Variants in BCKDHB observed in about 807,000 individuals in gnomAD.
BCKDHB encodes branched chain keto acid dehydrogenase E1 subunit beta.
In BCKDHB, 41 loss-of-function variants were observed where a neutral mutation model predicts 48.5. The observed-to-expected ratio is 0.85, with a 90% confidence interval of 0.66 to 1.10. BCKDHB has a LOEUF of 1.10. BCKDHB is among the 50% of genes least tolerant of loss of function. The pLI is 0.00. For synonymous variants in BCKDHB, 201 were observed against 174.8 expected, an observed-to-expected ratio of 1.15 and a Z score of -1.18; for missense variants, 496 against 494.2, an observed-to-expected ratio of 1.00 and a Z score of -0.03.
chr6:80,234,264 T>C (rs1241090059), intron 8 of BCKDHB, among the ~76,000 whole-genome samples: 1 of 152,230 alleles, frequency 6.6e-6, no homozygotes, highest in Non-Finnish European at 1.5e-5. Flanking sequence ...CACAGTCTCC[T>C]GCCTTATTAT....
At chr6:80,321,257 A>G (rs138936096) in intron 9 of BCKDHB, among the ~76,000 whole-genome samples, 14 of 152,318 alleles carry the variant, frequency 9.2e-5, no homozygotes, top group African/African-American at 3.4e-4. Context: ...AGCAGTACAC[A>G]TTTTCCATCC....
intron 8 of BCKDHB, among the ~76,000 whole-genome samples, chr6:80,230,388 A>G (rs1775876265): frequency 6.6e-6 from 1 of 152,136 alleles, no homozygotes; most frequent in African/African-American, 2.4e-5. Flanking sequence ...TAAAAAATAC[A>G]TGCCCCAAAT....
chr6:80,288,949 G>T (rs1478037998), intron 9 of BCKDHB, among the ~76,000 whole-genome samples: 4 of 152,078 alleles, frequency 2.6e-5, no homozygotes, highest in Non-Finnish European at 5.9e-5. Flanking sequence ...AGCATTAATG[G>T]TTAAGTGAGC....
At chr6:80,425,643 C>T in the BCKDHB span, among the ~76,000 whole-genome samples, 2 of 152,102 alleles carry the variant, frequency 1.3e-5, no homozygotes, top group Admixed American at 6.6e-5. Flanking sequence ...CAGCTGATGA[C>T]AATGAAACCT....
chr6:80,323,500 G>A (rs1454425423), intron 9 of BCKDHB, among the ~76,000 whole-genome samples: 1 of 152,134 alleles, frequency 6.6e-6, no homozygotes, highest in East Asian at 1.9e-4. Flanking sequence ...TCAGTGTTTA[G>A]TAAATGGGCT....
At chr6:80,292,188 A>G (rs1026758837) in intron 9 of BCKDHB, among the ~76,000 whole-genome samples, 1 of 152,200 alleles carries the variant, frequency 6.6e-6, no homozygotes, top group Non-Finnish European at 1.5e-5. Flanking sequence ...TATTGGCTCT[A>G]TAAGTTAAGT....
At chr6:80,203,359 G>C (rs893671472) in intron 8 of BCKDHB, 147 bp downstream of exon 8, 1 of 670,708 alleles carries the variant, frequency 1.5e-6, no homozygotes, top group African/African-American at 1.8e-5. Flanking sequence ...ATGAAAGAAA[G>C]TTGTATAAAC....
chr6:80,171,640 T>C (rs964362529), intron 6 of BCKDHB, among the ~76,000 whole-genome samples: 8 of 152,138 alleles, frequency 5.3e-5, no homozygotes, highest in African/African-American at 1.9e-4. Flanking sequence ...ATAAAGGGAC[T>C]ATGTTTAACC....
chr6:80,323,506 G>A (rs1768857121), intron 9 of BCKDHB, among the ~76,000 whole-genome samples: 1 of 152,078 alleles, frequency 6.6e-6, no homozygotes, highest in African/African-American at 2.4e-5. Context: ...TTTAGTAAAT[G>A]GGCTTACATT....
At chr6:80,433,420 ACCCAGTTCAAACTT>A in the BCKDHB span, among the ~76,000 whole-genome samples, 1 of 152,072 alleles carries the variant, frequency 6.6e-6, no homozygotes, top group Non-Finnish European at 1.5e-5. Flanking sequence ...CGTTGGCTCC[ACCCAGTTCAAACTT>A]CCCAAGGGGC....
intron 3 of BCKDHB, among the ~76,000 whole-genome samples, chr6:80,164,903 TCTC>T (rs1356781375): frequency 2.6e-5 from 4 of 152,202 alleles, no homozygotes; most frequent in African/African-American, 7.2e-5. Context: ...TTTGTGCTCT[TCTC>T]CTCAATCAGT....
the BCKDHB span, among the ~76,000 whole-genome samples, chr6:80,444,485 C>CA: frequency 6.6e-6 from 1 of 151,924 alleles, no homozygotes; most frequent in African/African-American, 2.4e-5. Flanking sequence ...ACACAGATGA[C>CA]AAAAAATAAA....
chr6:80,203,883 T>G (rs1165889904), intron 8 of BCKDHB, among the ~76,000 whole-genome samples: 1 of 152,092 alleles, frequency 6.6e-6, no homozygotes, highest in Non-Finnish European at 1.5e-5. Flanking sequence ...CAAGATAATT[T>G]AAGAAGCATC....
intron 9 of BCKDHB, among the ~76,000 whole-genome samples, chr6:80,277,196 G>T (rs1778000913): frequency 2.0e-5 from 3 of 151,962 alleles, no homozygotes; most frequent in Admixed American, 6.5e-5. Context: ...ATAATTCATT[G>T]TTCTTTTTAT....
the BCKDHB span, among the ~76,000 whole-genome samples, chr6:80,366,233 A>C: frequency 6.6e-6 from 1 of 152,224 alleles, no homozygotes; most frequent in Non-Finnish European, 1.5e-5. Flanking sequence ...GTTGAGAGGA[A>C]TATCTTTCAA....
intron 9 of BCKDHB, among the ~76,000 whole-genome samples, chr6:80,329,554 G>A (rs1361689402): frequency 1.3e-5 from 2 of 152,150 alleles, no homozygotes; most frequent in Admixed American, 6.5e-5. Flanking sequence ...ATCAGACACT[G>A]TGGTTGCATC....
intron 6 of BCKDHB, among the ~76,000 whole-genome samples, chr6:80,192,199 T>C (rs1159901395): frequency 1.3e-5 from 2 of 152,218 alleles, no homozygotes; most frequent in Admixed American, 6.5e-5. Flanking sequence ...CAGTTTTTTT[T>C]CTAATGGTTC....
At chr6:80,201,573 G>A (rs1358379348) in intron 7 of BCKDHB, among the ~76,000 whole-genome samples, 1 of 152,120 alleles carries the variant, frequency 6.6e-6, no homozygotes, top group African/African-American at 2.4e-5. Context: ...CGCTGCAAAT[G>A]GCTATAATCT....
intron 9 of BCKDHB, among the ~76,000 whole-genome samples, chr6:80,333,490 ATT>A (rs1417447676): frequency 6.6e-6 from 1 of 151,916 alleles, no homozygotes; most frequent in Non-Finnish European, 1.5e-5. Context: ...GGGCAAATAC[ATT>A]TTTTTTCTAT....
Sources: gnomAD v4.1 joint callset for allele counts (sites outside exome capture counted in the v4.1 genomes callset) on GRCh38, gnomAD v4.1.1 for gene constraint, MANE v1.5 for transcripts, NCBI Gene and HGNC (gene_info 2026-07-23, HGNC 2026-07-21) for gene names.